The following BRD4 variants were observed in gnomAD, a reference collection of about 807,000 sequenced individuals.
The protein encoded by BRD4 is bromodomain containing 4.
In BRD4, 16 loss-of-function variants were observed where a neutral mutation model predicts 142.1. That is an observed-to-expected ratio of 0.11 (90% CI 0.08 to 0.17). BRD4 has a LOEUF of 0.17. Ranked by LOEUF, BRD4 falls within the 10% of genes least tolerant of loss-of-function variation. BRD4 has a pLI of 1.00. For synonymous variants in BRD4, 833 were observed against 707.5 expected (o/e 1.18, Z -2.82); for missense variants, 1,424 against 1,810.9 (o/e 0.79, Z 3.88).
chr19:15,268,822 C>A, intron 3 of BRD4, 83 bp downstream of exon 3: 1 of 1,517,874 alleles, frequency 6.6e-7, no homozygotes, highest in Non-Finnish European at 9.0e-7. Context: ...AACACCCCTG[C>A]CCACGGGCTC....
intron 1 of BRD4, among the ~76,000 whole-genome samples, chr19:15,330,887 G>C (rs1323192061): frequency 6.6e-6 from 1 of 152,126 alleles, no homozygotes; most frequent in African/African-American, 2.4e-5. Context: ...TTCCAAAGAC[G>C]GTAGGGAACT....
rs1197390019 is a variant in BRD4 at position 15,251,438 on chromosome 19, C to CGGGGG, written c.2158+2709_2158+2713dup. 5.2e-3 allele frequency among the ~76,000 whole-genome samples: 37 copies of CGGGGG among 7,084 alleles called. 2 individuals are homozygous for CGGGGG. Among genetic ancestry groups the CGGGGG allele is most frequent in the Admixed American group, 9.2e-3 (4 of 434 alleles). 4.6% of individuals were successfully genotyped at this position (7,084 alleles called of 152,430 possible). A position where few individuals can be genotyped will look rare whatever the true frequency, so the allele number is the denominator to read the frequency against. ...TCCAATCCAAATGGAAACACAAGAA[C>CGGGGG]GGGGGGGGGGGGGGGGGCGGGGGCG... On this transcript the variant is annotated intron_variant, in intron 11 of 19. Transcript: ENST00000679869.
At chr19:15,297,938 C>T in intron 1 of BRD4, among the ~76,000 whole-genome samples, 1 of 152,208 alleles carries the variant, frequency 6.6e-6, no homozygotes, top group East Asian at 1.9e-4. Flanking sequence ...TTTCTGCAAT[C>T]CTGCCTGCAA....
At chr19:15,256,898 C>T in intron 8 of BRD4, 66 bp downstream of exon 8, 1 of 1,414,924 alleles carries the variant, frequency 7.1e-7, no homozygotes, top group Non-Finnish European at 9.5e-7. Flanking sequence ...CTCTTAGAAA[C>T]TTCTGGGGAG....
rs777985077 is a variant in BRD4 at position 15,243,291 on chromosome 19, C to T, written c.2778G>A (p.Met926Ile). 2.2e-5 allele frequency: 32 copies of T among 1,453,000 alleles called. No individual in the cohort carries two copies. The highest frequency in any genetic ancestry group is 1.9e-4 in the Admixed American group (7 of 37,720). 90.0% of individuals were successfully genotyped at this position (1,453,000 alleles called of 1,614,324 possible). A position where few individuals can be genotyped will look rare whatever the true frequency, so the allele number is the denominator to read the frequency against. Residue 926 changes from methionine to isoleucine, a missense_variant, in exon 14 of 20, where the codon ATG becomes ATA. By Grantham distance (10) the Met-to-Ile change is conservative. Coordinates refer to ENST00000679869, the MANE Select transcript of BRD4 (RefSeq NM_001379291.1). ...GCTGCTGCAGGTACAGCTGCATCTGCATGGAGGTGAGGGGTGGGGCAGGTG... is the reference window on the plus strand; with the variant it reads ...GCTGCTGCAGGTACAGCTGCATCTGTATGGAGGTGAGGGGTGGGGCAGGTG... Reference protein sequence around the residue: ...EEPPAPPLTSMQMQLYLQQLQ... With the variant: ...EEPPAPPLTSIQMQLYLQQLQ...
intron 7 of BRD4, among the ~76,000 whole-genome samples, chr19:15,260,650 G>A (rs973928858): frequency 6.6e-6 from 1 of 152,130 alleles, no homozygotes; most frequent in African/African-American, 2.4e-5. Context: ...TTGAGATTGA[G>A]GCCTGTGTCC....
chr19:15,310,979 T>C (rs910779684), intron 1 of BRD4, among the ~76,000 whole-genome samples: 3 of 151,784 alleles, frequency 2.0e-5, no homozygotes, highest in Non-Finnish European at 2.9e-5. Context: ...CGTTCTTAGT[T>C]CTAACATGTG....
At chr19:15,270,494 T>C (rs1262178329) in intron 2 of BRD4, among the ~76,000 whole-genome samples, 1 of 152,146 alleles carries the variant, frequency 6.6e-6, no homozygotes, top group Non-Finnish European at 1.5e-5. Flanking sequence ...TCTGAATAGA[T>C]CTATCCCAGT....
At chr19:15,306,999 C>T (rs571648462) in intron 1 of BRD4, among the ~76,000 whole-genome samples, 1 of 152,116 alleles carries the variant, frequency 6.6e-6, no homozygotes, top group African/African-American at 2.4e-5. Flanking sequence ...AAAAAAACCG[C>T]AATTATCTGC....
At chr19:15,304,740 G>A (rs905708494) in intron 1 of BRD4, among the ~76,000 whole-genome samples, 3 of 152,086 alleles carry the variant, frequency 2.0e-5, no homozygotes, top group Non-Finnish European at 4.4e-5. Context: ...GCTGTATTCC[G>A]ACCTCACAAG....
chr19:15,264,277 G>A (rs1367796643), intron 6 of BRD4, 127 bp downstream of exon 6: 62 of 1,335,110 alleles, frequency 4.6e-5, no homozygotes, highest in East Asian at 7.1e-5. Flanking sequence ...TCGAGTTGGC[G>A]GGAAAAATCC....
intron 1 of BRD4, among the ~76,000 whole-genome samples, chr19:15,318,438 AG>A (rs1437576780): frequency 3.3e-5 from 5 of 152,248 alleles, no homozygotes; most frequent in Non-Finnish European, 7.3e-5. Flanking sequence ...CCACCAGACA[AG>A]GATGTGAGGA....
intron 1 of BRD4, among the ~76,000 whole-genome samples, chr19:15,283,378 T>C (rs1028497300): frequency 1.3e-5 from 2 of 152,192 alleles, no homozygotes; most frequent in African/African-American, 2.4e-5. Flanking sequence ...AATTTTCCCA[T>C]TGCAAACAAA....
intron 1 of BRD4, among the ~76,000 whole-genome samples, chr19:15,325,006 C>G (rs61619870): frequency 6.6e-6 from 1 of 152,202 alleles, no homozygotes; most frequent in Non-Finnish European, 1.5e-5. Flanking sequence ...GTACCATGCC[C>G]TGGATCAGCT....
Position 15,238,161 on chromosome 19 carries a change from G to GGGT in BRD4, c.*213_*215dup. 1.5e-6 allele frequency: 1 copy of GGGT among 663,616 alleles called. No homozygotes were observed. 41.1% of individuals were successfully genotyped at this position (663,616 alleles called of 1,614,324 possible). A position where few individuals can be genotyped will look rare whatever the true frequency, so the allele number is the denominator to read the frequency against. On this transcript the variant is annotated 3_prime_UTR_variant, in exon 20 of 20. Transcript: ENST00000679869. The surrounding 1 kb of genome is among the most constrained non-coding windows in gnomAD (Gnocchi z 7.2). ...GTGTGCTGAGCGGACGTCCTGTGAGGGGTGGTGGGTGGCGGGACGTCTGTC... is the reference window on the plus strand; with the variant it reads ...GTGTGCTGAGCGGACGTCCTGTGAGGGGTGGTGGTGGGTGGCGGGACGTCTGTC...
intron 1 of BRD4, among the ~76,000 whole-genome samples, chr19:15,282,785 A>G (rs1035295389): frequency 2.0e-5 from 3 of 152,102 alleles, no homozygotes; most frequent in Non-Finnish European, 2.9e-5. Context: ...GCTGTGGGGT[A>G]TGTGGCACTG....
At chr19:15,247,334 A>T in intron 11 of BRD4, 1 of 231,632 alleles carries the variant, frequency 4.3e-6, no homozygotes. Flanking sequence ...CTTCCTGCAC[A>T]GGAGGCTGCC....
At chr19:15,301,937 C>T (rs140053569) in intron 1 of BRD4, among the ~76,000 whole-genome samples, 96 of 149,986 alleles carry the variant, frequency 6.4e-4, no homozygotes, top group African/African-American at 2.2e-3. Context: ...GAGGATGAGG[C>T]AGGAGTATCA....
chr19:15,268,775 G>T, intron 3 of BRD4, 130 bp downstream of exon 3: 6 of 980,516 alleles, frequency 6.1e-6, no homozygotes, highest in East Asian at 2.6e-5. Context: ...TACCTCCAAG[G>T]GTCTCCTCTT....
Sources: gnomAD v4.1 joint callset for allele counts (sites outside exome capture counted in the v4.1 genomes callset) on GRCh38, gnomAD v4.1.1 for gene constraint, Gnocchi (gnomAD v3.1) non-coding constraint, MANE v1.5 for transcripts, NCBI Gene and HGNC (gene_info 2026-07-23, HGNC 2026-07-21) for gene names.